FBXL18: variants seen among roughly 807,000 people sequenced by gnomAD.
FBXL18 encodes the protein F-box and leucine rich repeat protein 18.
A neutral mutation model predicts 46.0 loss-of-function variants in FBXL18; 36 were observed. The observed-to-expected ratio is 0.78, with a 90% confidence interval of 0.60 to 1.03. The LOEUF (loss-of-function observed/expected upper bound fraction) is 1.03, where lower values mean the gene tolerates loss of function less well. Among genes scored for constraint, FBXL18 ranks in the 50% least tolerant of loss-of-function variants. The pLI is 0.00. For missense variants in FBXL18, 977 were observed against 1,004.1 expected (o/e 0.97, Z 0.36); for synonymous variants, 557 against 465.3 (o/e 1.20, Z -2.54).
chr7:5,468,205 G>T (rs113955669), intron 4 of FBXL18, among the ~76,000 whole-genome samples: 1 of 152,008 alleles, frequency 6.6e-6, no homozygotes, highest in Non-Finnish European at 1.5e-5. Context: ...GGATGGTCTC[G>T]ATCTCCTGAC....
downstream of FBXL18, among the ~76,000 whole-genome samples, chr7:5,472,257 G>T (rs1419556866): frequency 6.6e-6 from 1 of 152,092 alleles, no homozygotes; most frequent in Non-Finnish European, 1.5e-5. Flanking sequence ...TCTAAAAATG[G>T]CCACAACATG....
At chr7:5,462,796 A>G (rs1783266557) in intron 4 of FBXL18, among the ~76,000 whole-genome samples, 1 of 150,118 alleles carries the variant, frequency 6.7e-6, no homozygotes, top group Non-Finnish European at 1.5e-5. Context: ...CTAAAAATAC[A>G]AAAAATTAGC....
downstream of FBXL18, among the ~76,000 whole-genome samples, chr7:5,475,355 G>A (rs1054848843): frequency 2.6e-5 from 4 of 152,088 alleles, no homozygotes; most frequent in African/African-American, 9.7e-5. The surrounding 1 kb of genome is among the most constrained non-coding windows in gnomAD (Gnocchi z 4.2). Context: ...GAACAATGCT[G>A]AGGCTGTTTC....
At chr7:5,460,734 T>C (rs1017388283) in intron 4 of FBXL18, among the ~76,000 whole-genome samples, 6 of 152,170 alleles carry the variant, frequency 3.9e-5, no homozygotes, top group African/African-American at 1.4e-4. Context: ...ATTACAGCCG[T>C]GAGCCACCAT....
At chr7:5,491,157 A>G in intron 4 of FBXL18, 74 bp downstream of exon 4, 2 of 1,372,378 alleles carry the variant, frequency 1.5e-6, no homozygotes, top group Non-Finnish European at 2.0e-6. Flanking sequence ...CACTCGGTGA[A>G]GGCTGGGGAC....
chr7:5,491,213 G>A lies in FBXL18; in HGVS notation c.2000+18C>T, dbSNP rs751480170. 13 of 1,598,792 alleles carry A rather than the reference G, an allele frequency of 8.1e-6. No individual in the cohort carries two copies. Among genetic ancestry groups the A allele is most frequent in the African/African-American group, 6.7e-5 (5 of 74,556 alleles). ...ATTTCTGCGGCCCCTGAAGCTGTAC[G>A]CAACCCACATCACTCACCTGCGGAG... On this transcript the variant is annotated intron_variant, in intron 4 of 4. Coordinates refer to ENST00000382368, the MANE Select transcript of FBXL18 (RefSeq NM_024963.6).
chr7:5,491,516 T>C, intron 3 of FBXL18, 67 bp from the exon 4 acceptor site: 1 of 1,365,268 alleles, frequency 7.3e-7, no homozygotes. Flanking sequence ...GCTGGGCGTC[T>C]GGAGGTGCTG....
At chr7:5,482,371 C>A (rs1562685220) in intron 4 of FBXL18, among the ~76,000 whole-genome samples, 1 of 152,162 alleles carries the variant, frequency 6.6e-6, no homozygotes, top group Non-Finnish European at 1.5e-5. Context: ...CGCAGGTGGG[C>A]CACCTCAAGG....
chr7:5,492,791 T>C (rs190172749), intron 3 of FBXL18, among the ~76,000 whole-genome samples: 284 of 152,228 alleles, frequency 1.9e-3, no homozygotes, highest in African/African-American at 6.5e-3. Flanking sequence ...AGCCAAGCAG[T>C]GCCAGGCGTG....
At chr7:5,482,965 G>A (rs539099552) in intron 4 of FBXL18, among the ~76,000 whole-genome samples, 60 of 151,782 alleles carry the variant, frequency 4.0e-4, no homozygotes, top group South Asian at 2.5e-3. Flanking sequence ...TTGAGCCCAG[G>A]AGGTAGAGGC....
chr7:5,489,499 G>C (rs529311670), intron 4 of FBXL18: 1 of 344,326 alleles, frequency 2.9e-6, no homozygotes, highest in Non-Finnish European at 5.7e-6. Context: ...GGCCGGGCGC[G>C]GTGGCTCACG....
intron 4 of FBXL18, among the ~76,000 whole-genome samples, chr7:5,487,820 C>T (rs1783812983): frequency 6.6e-6 from 1 of 152,156 alleles, no homozygotes; most frequent in South Asian, 2.1e-4. Flanking sequence ...CGCCGTGGGT[C>T]CCACCACAGG....
At chr7:5,497,402 G>A (rs1040882746) in intron 3 of FBXL18, among the ~76,000 whole-genome samples, 2 of 152,112 alleles carry the variant, frequency 1.3e-5, no homozygotes, top group Admixed American at 6.6e-5. Flanking sequence ...GAATCAAAGC[G>A]GCCGATCCAG....
chr7:5,468,826 C>T (rs991727418), intron 4 of FBXL18, among the ~76,000 whole-genome samples: 3 of 152,112 alleles, frequency 2.0e-5, no homozygotes, highest in Non-Finnish European at 4.4e-5. Flanking sequence ...ATCTCAAATT[C>T]CTGGCCTCAA....
At chr7:5,483,757 A>C (rs1351685295) in intron 4 of FBXL18, among the ~76,000 whole-genome samples, 1 of 49,912 alleles carries the variant, frequency 2.0e-5, no homozygotes, top group Non-Finnish European at 5.0e-5. Context: ...AAAAAAGACA[A>C]AAAAAAAATC....
chr7:5,468,437 G>A (rs1783379362), intron 4 of FBXL18, among the ~76,000 whole-genome samples: 1 of 152,056 alleles, frequency 6.6e-6, no homozygotes, highest in Admixed American at 6.6e-5. Flanking sequence ...TTTTTTAAGA[G>A]CCTAGAACAA....
chr7:5,462,994 AT>A (rs1480207987), intron 4 of FBXL18, among the ~76,000 whole-genome samples: 2 of 45,394 alleles, frequency 4.4e-5, no homozygotes, highest in African/African-American at 1.4e-4. Flanking sequence ...ATATATATAT[AT>A]AATATATATA....
At position 5,501,754 on chromosome 7, in the gene FBXL18, C is replaced by A; in HGVS notation, c.515G>T (p.Arg172Leu). ...LSSECKATLSRVRELKQTLFT... is the reference protein window; with the variant it reads ...LSSECKATLSLVRELKQTLFT... ...CAGCGTCTGCTTGAGCTCCCGCACG[C>A]GGCTCAGGGTGGCCTTGCACTCGCT... The change falls in exon 3 of 5, where the codon CGC becomes CTC. Residue 172 changes from arginine to leucine, a missense_variant. By Grantham distance (102) the Arg-to-Leu change is moderately radical. Coordinates refer to ENST00000382368, the MANE Select transcript of FBXL18 (RefSeq NM_024963.6). 1 of 1,559,382 alleles carries A rather than the reference C, an allele frequency of 6.4e-7. No homozygotes were observed. The highest frequency in any genetic ancestry group is 8.7e-7 in the Non-Finnish European group (1 of 1,151,146).
intron 4 of FBXL18, among the ~76,000 whole-genome samples, chr7:5,484,453 G>C (rs549696323): frequency 6.9e-6 from 1 of 145,558 alleles, no homozygotes; most frequent in Non-Finnish European, 1.5e-5. Context: ...CTGGGCGACA[G>C]AGGGAGACTC....
Sources: gnomAD v4.1 joint callset for allele counts (sites outside exome capture counted in the v4.1 genomes callset) on GRCh38, gnomAD v4.1.1 for gene constraint, Gnocchi (gnomAD v3.1) non-coding constraint, MANE v1.5 for transcripts, NCBI Gene and HGNC (gene_info 2026-07-23, HGNC 2026-07-21) for gene names.